Variants in ASAP1 observed in about 807,000 individuals in gnomAD.
The protein encoded by ASAP1 is arf-GAP with SH3 domain, ANK repeat and PH domain-containing protein 1.
ASAP1 carries 43 observed loss-of-function variants against 145.2 expected under a neutral mutation model. The ratio of observed to expected loss-of-function variants is 0.30; its 90% CI spans 0.23 to 0.38. The LOEUF (loss-of-function observed/expected upper bound fraction) is 0.38, where lower values mean the gene tolerates loss of function less well. Among genes scored for constraint, ASAP1 ranks in the 10% least tolerant of loss-of-function variants. The probability of loss-of-function intolerance (pLI) is 1.00; values close to 1 mark genes in which losing one functional copy is unlikely to be tolerated. For synonymous variants in ASAP1, 546 were observed against 515.5 expected, an observed-to-expected ratio of 1.06 and a Z score of -0.80; for missense variants, 1,018 against 1,355.3, an observed-to-expected ratio of 0.75 and a Z score of 3.91.
intron 3 of ASAP1, among the ~76,000 whole-genome samples, chr8:130,277,050 C>T (rs1350927041): frequency 6.6e-6 from 1 of 152,128 alleles, no homozygotes; most frequent in Non-Finnish European, 1.5e-5. Flanking sequence ...CACCCTCACC[C>T]GTCCACATCA....
chr8:130,201,533 T>A (rs1304555452), intron 5 of ASAP1, among the ~76,000 whole-genome samples: 1 of 152,192 alleles, frequency 6.6e-6, no homozygotes, highest in Non-Finnish European at 1.5e-5. Flanking sequence ...ATCTCCTACA[T>A]CAAGTGAAAA....
intron 2 of ASAP1, among the ~76,000 whole-genome samples, chr8:130,380,626 AG>A (rs762698187): frequency 6.6e-6 from 1 of 152,346 alleles, no homozygotes; most frequent in East Asian, 1.9e-4. Context: ...AGGTGCTTGA[AG>A]GGCAGTGCTG....
chr8:130,291,864 A>G (rs1821965699), intron 3 of ASAP1, among the ~76,000 whole-genome samples: 3 of 152,176 alleles, frequency 2.0e-5, no homozygotes, highest in African/African-American at 7.2e-5. Context: ...GCCATTTATT[A>G]CATTTCACTG....
intron 15 of ASAP1, 76 bp from the exon 16 acceptor site, chr8:130,128,166 C>CTTTTTTTTAA (rs2097578036): frequency 1.9e-6 from 1 of 524,406 alleles, no homozygotes; most frequent in Non-Finnish European, 2.4e-6. Context: ...TTTTTTTTTG[C>CTTTTTTTTAA]CACTGCAAAA....
chr8:130,248,462 A>G (rs1818991774), intron 3 of ASAP1, among the ~76,000 whole-genome samples: 1 of 152,184 alleles, frequency 6.6e-6, no homozygotes. Flanking sequence ...ACAAGTGGCC[A>G]CAGGAGGGAT....
chr8:130,123,065 C>T (rs1564985788), intron 18 of ASAP1, among the ~76,000 whole-genome samples: 1 of 151,434 alleles, frequency 6.6e-6, no homozygotes, highest in Non-Finnish European at 1.5e-5. Flanking sequence ...GTAATTTGTG[C>T]TTTTTTTTTC....
At chr8:130,225,903 G>C (rs1817558907) in intron 4 of ASAP1, among the ~76,000 whole-genome samples, 1 of 152,162 alleles carries the variant, frequency 6.6e-6, no homozygotes, top group Non-Finnish European at 1.5e-5. Context: ...TTTTGAGACA[G>C]GGTCTTGCTC....
At chr8:130,188,010 A>G (rs1275576241) in intron 6 of ASAP1, 99 bp downstream of exon 6, 3 of 864,394 alleles carry the variant, frequency 3.5e-6, no homozygotes, top group Non-Finnish European at 5.6e-6. Context: ...AAAATGTTCA[A>G]AGAGTCTTTC....
At chr8:130,431,508 C>A (rs1338636517) in intron 1 of ASAP1, among the ~76,000 whole-genome samples, 3 of 152,216 alleles carry the variant, frequency 2.0e-5, no homozygotes, top group Non-Finnish European at 4.4e-5. Context: ...GCTCCCTACA[C>A]CTAGAATTTC....
chr8:130,071,487 G>GCTA (rs1334467169), intron 27 of ASAP1, among the ~76,000 whole-genome samples: 1 of 152,216 alleles, frequency 6.6e-6, no homozygotes, highest in Non-Finnish European at 1.5e-5. Context: ...GGACTGAGGA[G>GCTA]CTACTTGCTA....
At chr8:130,118,715 G>T in intron 18 of ASAP1, 40 bp from the exon 19 acceptor site, 1 of 1,314,714 alleles carries the variant, frequency 7.6e-7, no homozygotes, top group Non-Finnish European at 1.0e-6. Flanking sequence ...TTTTCCAAGT[G>T]CTAGGAAAGG....
At position 130,229,695 on chromosome 8, in the gene ASAP1, T is replaced by A. The variant is rs116928023; in HGVS notation, c.259+7227A>T. On this transcript the variant is annotated intron_variant, in intron 4 of 29. Transcript: ENST00000518721. Reference sequence around the variant, plus strand: ...TCATTAAAGCAGAGAAATACATTTTTATATTCACCTTTAACAGAGCAAATT... The same window carrying A: ...TCATTAAAGCAGAGAAATACATTTTAATATTCACCTTTAACAGAGCAAATT... 5.7e-3 allele frequency among the ~76,000 whole-genome samples: 864 copies of A among 152,352 alleles called. 6 individuals carry two copies. Among genetic ancestry groups the A allele is most frequent in the Non-Finnish European group, 0.01 (705 of 68,028 alleles).
chr8:130,352,151 C>T (rs1826031319), intron 3 of ASAP1, among the ~76,000 whole-genome samples: 1 of 150,442 alleles, frequency 6.6e-6, no homozygotes, highest in Non-Finnish European at 1.5e-5. Context: ...CAGACCCAAA[C>T]ATACTTTCTC....
chr8:130,435,485 G>C (rs1025427328), intron 1 of ASAP1, among the ~76,000 whole-genome samples: 5 of 152,226 alleles, frequency 3.3e-5, no homozygotes, highest in Non-Finnish European at 7.3e-5. Flanking sequence ...GACGCACTCA[G>C]TAAGTGCTTG....
chr8:130,153,335 A>ATATATATATATG (rs2097650825), intron 12 of ASAP1, among the ~76,000 whole-genome samples: 1 of 65,342 alleles, frequency 1.5e-5, no homozygotes, highest in Non-Finnish European at 2.9e-5. Flanking sequence ...CTTTTTAAAT[A>ATATATATATATG]TATATATATA....
rs776496821 is a variant in ASAP1, at chr8:130,125,983, T to C, written c.1488A>G (p.Leu496=). The change falls in exon 17 of 30, where the codon CTA becomes CTG. Residue 496 remains leucine, a synonymous_variant. Transcript: ENST00000518721. ...AGAGTTCAGAAGTTCCTAATTTGTC[T>C]AGTTCCAAAGACTGAATGCGAGAAA... ...VHISRIQSLE[L]DKLGTSELLL... 1 of 1,613,884 alleles carries C rather than the reference T, an allele frequency of 6.2e-7. No homozygotes were observed. Among genetic ancestry groups the C allele is most frequent in the Non-Finnish European group, 8.5e-7 (1 of 1,179,924 alleles).
intron 3 of ASAP1, among the ~76,000 whole-genome samples, chr8:130,278,799 C>T (rs1230289501): frequency 2.0e-5 from 3 of 152,150 alleles, no homozygotes; most frequent in African/African-American, 4.8e-5. Flanking sequence ...ATCTACTCAC[C>T]GTACCCAGTA....
At chr8:130,153,332 A>AAT (rs67554567) in intron 12 of ASAP1, among the ~76,000 whole-genome samples, 10,739 of 87,080 alleles carry the variant, frequency 0.12, 700 homozygotes, top group Non-Finnish European at 0.14. Context: ...CTGCTTTTTA[A>AAT]ATATATATAT....
chr8:130,322,207 T>C (rs1008678173), intron 3 of ASAP1, among the ~76,000 whole-genome samples: 2 of 151,986 alleles, frequency 1.3e-5, no homozygotes, highest in African/African-American at 2.4e-5. Flanking sequence ...TATGTAGGTA[T>C]GCAGTGAAAA....
Sources: allele counts gnomAD v4.1 joint callset (sites outside exome capture counted in the v4.1 genomes callset), GRCh38; gene constraint gnomAD v4.1.1; transcripts MANE v1.5; gene names NCBI Gene and HGNC (gene_info 2026-07-23, HGNC 2026-07-21).